MND1: variants seen among roughly 807,000 people sequenced by gnomAD.
MND1 encodes the protein meiotic nuclear divisions 1.
Under a neutral mutation model 35.1 loss-of-function variants are expected in MND1, and 28 were observed. The observed-to-expected ratio is 0.80, with a 90% CI of 0.59 to 1.09. The LOEUF is 1.09. MND1 is among the 50% of genes least tolerant of loss of function. The pLI, the probability that MND1 is intolerant of heterozygous loss-of-function variation, is 0.00. For synonymous variants in MND1, 69 were observed against 70.5 expected (o/e 0.98, Z 0.11); for missense variants, 213 against 239.6 (o/e 0.89, Z 0.73).
intron 4 of MND1, among the ~76,000 whole-genome samples, chr4:153,390,442 ATT>A (rs1229706771): frequency 2.6e-5 from 4 of 152,218 alleles, no homozygotes; most frequent in Non-Finnish European, 4.4e-5. Flanking sequence ...ATGTAAGATT[ATT>A]TTCATAATTA....
chr4:153,397,232 G>C lies in MND1; in HGVS notation c.365G>C (p.Arg122Thr), dbSNP rs201621414. 26 of 1,611,652 alleles carry C rather than the reference G, an allele frequency of 1.6e-5. No individual in the cohort carries two copies. In the Admixed American group the frequency reaches 3.2e-4, roughly 20 times the overall value. The change falls in exon 6 of 8, where the codon AGG (arginine) becomes ACG (threonine). Residue 122 changes from arginine (R) to threonine (T), a missense_variant. By Grantham distance (71) the Arg-to-Thr change is moderately conservative. Transcript: ENST00000240488. ...IGRCETEERT[R>T]LAKELSSLRD... Reference sequence around the variant, plus strand: ...TCTGGAATGCAGGAAGAGCGAACCAGGCTAGCAAAAGAGCTTTCTTCACTT... The same window carrying C: ...TCTGGAATGCAGGAAGAGCGAACCACGCTAGCAAAAGAGCTTTCTTCACTT...
Position 153,415,016 on chromosome 4 carries a change from G to A in MND1, c.*159G>A. ...AATGCAGATGTTCTTCACCCCTTTT[G>A]GTAGAACAAAAGCAGGATGATAACC... On this transcript the variant is annotated 3_prime_UTR_variant, in exon 8 of 8. Coordinates refer to ENST00000240488, the MANE Select transcript of MND1 (RefSeq NM_032117.4). 1 of 397,552 alleles carries A rather than the reference G, an allele frequency of 2.5e-6. No individual in the cohort carries two copies. The highest frequency in any genetic ancestry group is 7.8e-5 in the South Asian group (1 of 12,896). The allele number at this position is 397,552 out of a possible 1,614,324, so 24.6% of individuals were successfully genotyped here. A position where few individuals can be genotyped will look rare whatever the true frequency, so the allele number is the denominator to read the frequency against.
At chr4:153,364,771 G>T (rs1485571327) in intron 4 of MND1, among the ~76,000 whole-genome samples, 1 of 152,146 alleles carries the variant, frequency 6.6e-6, no homozygotes, top group Non-Finnish European at 1.5e-5. Flanking sequence ...AAGTGCAGTG[G>T]CACAGTCATA....
At chr4:153,401,276 G>A (rs539892579) in intron 6 of MND1, among the ~76,000 whole-genome samples, 11 of 152,012 alleles carry the variant, frequency 7.2e-5, no homozygotes, top group Non-Finnish European at 1.5e-4. Context: ...TATGAAAATG[G>A]CATCTGAGCC....
intron 6 of MND1, among the ~76,000 whole-genome samples, chr4:153,403,532 A>C (rs1444762603): frequency 2.0e-5 from 3 of 152,220 alleles, no homozygotes; most frequent in African/African-American, 7.2e-5. Flanking sequence ...GATTGAGTTC[A>C]GGAAAGTTAC....
At chr4:153,357,408 A>T (rs1440775806) in intron 3 of MND1, among the ~76,000 whole-genome samples, 1 of 152,222 alleles carries the variant, frequency 6.6e-6, no homozygotes, top group African/African-American at 2.4e-5. Context: ...ACACAATTGG[A>T]AATCTGCATG....
intron 2 of MND1, 53 bp downstream of exon 2, chr4:153,350,182 TATGTCATCCA>T: frequency 6.1e-6 from 8 of 1,303,460 alleles, no homozygotes; most frequent in Non-Finnish European, 8.8e-6. Context: ...ATCTTAAGTA[TATGTCATCCA>T]ATGTTAACTG....
intron 4 of MND1, among the ~76,000 whole-genome samples, chr4:153,376,011 TCTG>T (rs888001449): frequency 6.6e-5 from 10 of 152,180 alleles, no homozygotes; most frequent in Admixed American, 2.6e-4. Flanking sequence ...CATGTTCTAA[TCTG>T]CTAGTTCTCC....
rs150134566 is a variant in MND1, at chr4:153,410,730, C to T, written c.511+1715C>T. ...TCCTGGCCGGGCGTGGTGGCTCATG[C>T]CCGTAATCCCAGCACTTTGGGAGGC... is the stretch of plus-strand genomic sequence containing the variant. On this transcript the variant is annotated intron_variant, in intron 7 of 7. Transcript: ENST00000240488. Among the ~76,000 whole-genome samples the T allele has an allele frequency of 5.3e-3, 811 of 152,292 alleles. 20 individuals carry two copies. Among genetic ancestry groups the T allele is most frequent in the East Asian group, 0.014 (72 of 5,192 alleles).
intron 1 of MND1, chr4:153,345,467 GA>G (rs1232925618): frequency 1.0e-6 from 1 of 985,348 alleles, no homozygotes; most frequent in Non-Finnish European, 1.2e-6. Context: ...GCTCTGCACT[GA>G]ATTAGGCTTC....
intron 7 of MND1, among the ~76,000 whole-genome samples, chr4:153,410,387 AT>A (rs1324714718): frequency 6.6e-6 from 1 of 152,144 alleles, no homozygotes; most frequent in Non-Finnish European, 1.5e-5. Context: ...GTTAAGAACC[AT>A]ATTTCCATTT....
intron 4 of MND1, among the ~76,000 whole-genome samples, chr4:153,375,404 ACAGTATTAGT>A: frequency 6.6e-6 from 1 of 152,154 alleles, no homozygotes; most frequent in Non-Finnish European, 1.5e-5. Context: ...GCCCAAGGTG[ACAGTATTAGT>A]AAATGATGAA....
intron 7 of MND1, among the ~76,000 whole-genome samples, chr4:153,411,704 A>G (rs548934728): frequency 3.9e-4 from 60 of 152,204 alleles, no homozygotes; most frequent in Middle Eastern, 6.8e-3. Flanking sequence ...TCCAGGTTTG[A>G]AGTTTGTTCC....
intron 4 of MND1, among the ~76,000 whole-genome samples, chr4:153,364,534 C>T (rs2149637020): frequency 6.7e-6 from 1 of 148,476 alleles, no homozygotes; most frequent in East Asian, 1.9e-4. Flanking sequence ...AAAAAAAAAT[C>T]CATTTTTGGT....
intron 2 of MND1, among the ~76,000 whole-genome samples, chr4:153,350,571 G>A (rs72967175): frequency 0.16 from 23,941 of 152,118 alleles, 2,218 homozygotes; most frequent in African/African-American, 0.26. Context: ...TCTGTCTATA[G>A]TGTAACACAC....
At chr4:153,355,004 A>G (rs140852104) in intron 2 of MND1, among the ~76,000 whole-genome samples, 3 of 152,174 alleles carry the variant, frequency 2.0e-5, no homozygotes, top group Non-Finnish European at 4.4e-5. Flanking sequence ...CTCTAAAAAA[A>G]TTTTTAAAAA....
At chr4:153,394,172 G>A (rs1159865844) in intron 4 of MND1, 90 bp from the exon 5 acceptor site, 12 of 1,144,906 alleles carry the variant, frequency 1.0e-5, no homozygotes, top group East Asian at 2.7e-5. Flanking sequence ...GCTGGGGCGT[G>A]AGCCACTGCA....
chr4:153,387,329 A>G (rs1728897043), intron 4 of MND1, among the ~76,000 whole-genome samples: 1 of 152,072 alleles, frequency 6.6e-6, no homozygotes, highest in South Asian at 2.1e-4. Flanking sequence ...ATGAAATATG[A>G]ACATTTCTCT....
chr4:153,374,230 G>A (rs1026568262), intron 4 of MND1, among the ~76,000 whole-genome samples: 32 of 152,242 alleles, frequency 2.1e-4, no homozygotes, highest in African/African-American at 3.9e-4. Flanking sequence ...AATAAATACC[G>A]TAAGCTTTTT....
Sources: allele counts gnomAD v4.1 joint callset (sites outside exome capture counted in the v4.1 genomes callset), GRCh38; gene constraint gnomAD v4.1.1; transcripts MANE v1.5; gene names NCBI Gene and HGNC (gene_info 2026-07-23, HGNC 2026-07-21).